Variants in FCRL3 observed in about 807,000 individuals in gnomAD.
FCRL3 encodes Fc receptor like 3.
FCRL3 carries 89 observed loss-of-function variants against 75.0 expected under a neutral mutation model. The ratio of observed to expected loss-of-function variants is 1.19; its 90% CI spans 1.00 to 1.42. The LOEUF (loss-of-function observed/expected upper bound fraction) is 1.42. FCRL3 is among the 40% of genes most tolerant of loss of function. FCRL3 has a pLI of 0.00. For synonymous variants in FCRL3, 376 were observed against 348.5 expected, an observed-to-expected ratio of 1.08 and a Z score of -0.88; for missense variants, 946 against 880.0, an observed-to-expected ratio of 1.07 and a Z score of -0.95.
rs1654582419 is a variant in FCRL3, at chr1:157,678,177, A to G, written c.*533T>C. On this transcript the variant is annotated 3_prime_UTR_variant, in exon 15 of 15. Transcript: ENST00000368184. ...GTTGGGAATGTCACCCTGTAAGTAC[A>G]AAAATACACTTCAGATAGAGTCACC... is the stretch of plus-strand genomic sequence containing the variant. 5.1e-6 allele frequency: 5 copies of G among 986,428 alleles called. No individual in the cohort carries two copies. The highest frequency in any genetic ancestry group is 1.7e-5 in the African/African-American group (1 of 57,246). The allele number at this position is 986,428 out of a possible 1,614,324, so 61.1% of individuals were successfully genotyped here. A position where few individuals can be genotyped will look rare whatever the true frequency, so the allele number is the denominator to read the frequency against.
At chr1:157,685,543 A>G (rs1557824395) in intron 10 of FCRL3, among the ~76,000 whole-genome samples, 2 of 152,104 alleles carry the variant, frequency 1.3e-5, no homozygotes, top group Admixed American at 6.6e-5. Flanking sequence ...AAAACTGACA[A>G]AGAAACTCTG....
chr1:157,680,438 G>T (rs1005714526), intron 13 of FCRL3, among the ~76,000 whole-genome samples: 10 of 152,178 alleles, frequency 6.6e-5, no homozygotes, highest in African/African-American at 2.4e-4. Context: ...ATTTTAGGGG[G>T]CCTACAGTTT....
At chr1:157,690,676 C>T (rs1031478456) in intron 8 of FCRL3, 143 bp from the exon 9 acceptor site, 2 of 999,954 alleles carry the variant, frequency 2.0e-6, no homozygotes, top group Non-Finnish European at 2.9e-6. Flanking sequence ...TGTCTCTATC[C>T]TTTATTAGCT....
In FCRL3 at chr1:157,678,410, G is replaced by A; in HGVS notation, c.*300C>T. The A allele has an allele frequency of 8.2e-7, 1 of 1,225,168 alleles. No individual in the cohort carries two copies. Among genetic ancestry groups the A allele is most frequent in the Non-Finnish European group, 1.0e-6 (1 of 974,560 alleles). The allele number at this position is 1,225,168 out of a possible 1,614,324, so 75.9% of individuals were successfully genotyped here. A position where few individuals can be genotyped will look rare whatever the true frequency, so the allele number is the denominator to read the frequency against. Reference sequence around the variant, plus strand: ...TCATGATTGTGCCCTTGTAACCCTGGCTAGACCATTTCTCTCTCCTCCTCT... The same window carrying A: ...TCATGATTGTGCCCTTGTAACCCTGACTAGACCATTTCTCTCTCCTCCTCT... On this transcript the variant is annotated 3_prime_UTR_variant, in exon 15 of 15. Coordinates refer to ENST00000368184, the MANE Select transcript of FCRL3 (RefSeq NM_052939.4).
At position 157,697,709 on chromosome 1, in the gene FCRL3, T is replaced by C. The variant is rs1656034981; in HGVS notation, c.509A>G (p.Tyr170Cys). 3 of 1,613,896 alleles carry C rather than the reference T, an allele frequency of 1.9e-6. No individual in the cohort carries two copies. Among genetic ancestry groups the C allele is most frequent in the Non-Finnish European group, 2.5e-6 (3 of 1,179,820 alleles). Residue 170 changes from tyrosine (Y) to cysteine (C), a missense_variant, in exon 5 of 15, where the codon TAC (tyrosine) becomes TGC (cysteine). Transcript: ENST00000368184. ...TGAAGTTACTTCAATGTCAAGTATG[T>C]AAAACTTCCTATAAGCAGTACAATG... ...KYHCTAYRKF[Y>C]ILDIEVTSKP...
In FCRL3 at chr1:157,677,802, C is replaced by T; in HGVS notation, c.*908G>A. The T allele has an allele frequency of 2.1e-6, 1 of 472,016 alleles. No individual in the cohort carries two copies. Among genetic ancestry groups the T allele is most frequent in the South Asian group, 9.0e-5 (1 of 11,094 alleles). The allele number at this position is 472,016 out of a possible 1,614,324, so 29.2% of individuals were successfully genotyped here. On this transcript the variant is annotated 3_prime_UTR_variant, in exon 15 of 15. Transcript: ENST00000368184. ...AATATAAAAACATATTTAAGGAAAA[C>T]ATGTAGATACATTAATATGATAGAA...
chr1:157,683,362 C>G (rs1307167748), intron 10 of FCRL3, 118 bp from the exon 11 acceptor site: 1 of 1,274,438 alleles, frequency 7.8e-7, no homozygotes, highest in African/African-American at 1.5e-5. Flanking sequence ...CGGAAAAACT[C>G]AAGGATTATC....
rs898839460 is a variant in FCRL3, at chr1:157,677,300, G to C, written c.*1410C>G. The C allele has an allele frequency of 1.0e-6, 1 of 988,180 alleles. No individual in the cohort carries two copies. The highest frequency in any genetic ancestry group is 1.7e-5 in the African/African-American group (1 of 57,260). The allele number at this position is 988,180 out of a possible 1,614,324, so 61.2% of individuals were successfully genotyped here. On this transcript the variant is annotated 3_prime_UTR_variant, in exon 15 of 15. Transcript: ENST00000368184. Reference sequence around the variant, plus strand: ...CCTGTAGTGTATCTCCAGAAATGGTGATTGTTTGAATGCATGTAAGACATT... The same window carrying C: ...CCTGTAGTGTATCTCCAGAAATGGTCATTGTTTGAATGCATGTAAGACATT...
chr1:157,690,478 C>T lies in FCRL3; in HGVS notation c.1467G>A (p.Val489=). ...TLRAPGAQAV[V]GDLLELHCES... is the part of the protein sequence containing the mutation. Reference sequence around the variant, plus strand: ...CACAGTGAAGCTCCAGCAGGTCCCCCACCACAGCCTGGGCCCCGGGAGCCC... The same window carrying T: ...CACAGTGAAGCTCCAGCAGGTCCCCTACCACAGCCTGGGCCCCGGGAGCCC... The change falls in exon 9 of 15, where the codon GTG becomes GTA. Residue 489 remains valine (V), a synonymous_variant. Transcript: ENST00000368184. 1 of 1,614,240 alleles carries T rather than the reference C, an allele frequency of 6.2e-7. No individual in the cohort carries two copies. The highest frequency in any genetic ancestry group is 8.5e-7 in the Non-Finnish European group (1 of 1,180,040).
chr1:157,681,415 CCA>C (rs1654841395), intron 11 of FCRL3, among the ~76,000 whole-genome samples: 1 of 121,434 alleles, frequency 8.2e-6, no homozygotes. Flanking sequence ...AAAACAGTCC[CCA>C]GAGTGTGATG....
chr1:157,700,618 G>C, intron 1 of FCRL3, 33 bp from the exon 2 acceptor site: 1 of 1,546,578 alleles, frequency 6.5e-7, no homozygotes, highest in Non-Finnish European at 8.7e-7. Context: ...GAAGAGCTTA[G>C]TGTCATATTT....
chr1:157,688,392 TAACAC>T (rs1255608665), intron 10 of FCRL3, among the ~76,000 whole-genome samples: 1 of 152,110 alleles, frequency 6.6e-6, no homozygotes, highest in Non-Finnish European at 1.5e-5. Context: ...TGAAAATTCT[TAACAC>T]TTATCCACCT....
At position 157,697,919 on chromosome 1, in the gene FCRL3, T is replaced by C. The variant is rs1286071775; in HGVS notation, c.299A>G (p.Asp100Gly). 1 of 1,613,496 alleles carries C rather than the reference T, an allele frequency of 6.2e-7. No individual in the cohort carries two copies. ...ATGTAAAGCCTGCAGGATCAGCCAG[T>C]CTGCAAAGAGCACAGGAGCACACTC... ...SDAVHVEFSP[D>G]WLILQALHPV... The change falls in exon 5 of 15, where the codon GAC (aspartate) becomes GGC (glycine). Residue 100 changes from aspartate to glycine, a missense_variant and splice_region_variant. By Grantham distance (94) the Asp-to-Gly change is moderately conservative (BLOSUM62 -1). Transcript: ENST00000368184.
intron 13 of FCRL3, 121 bp downstream of exon 13, chr1:157,680,581 T>C (rs1206599695): frequency 2.7e-6 from 2 of 747,736 alleles, no homozygotes; most frequent in Admixed American, 2.4e-5. Context: ...GCTGACACTA[T>C]GGGAGGCAAG....
At position 157,678,406 on chromosome 1, in the gene FCRL3, C is replaced by A. The variant is rs957537413; in HGVS notation, c.*304G>T. 1.2e-5 allele frequency: 15 copies of A among 1,207,196 alleles called. No individual in the cohort carries two copies. The East Asian group carries it at 4.7e-4, about 38-fold the overall frequency. 74.8% of individuals were successfully genotyped at this position (1,207,196 alleles called of 1,614,324 possible). ...ATGGTCATGATTGTGCCCTTGTAAC[C>A]CTGGCTAGACCATTTCTCTCTCCTC... On this transcript the variant is annotated 3_prime_UTR_variant, in exon 15 of 15. Transcript: ENST00000368184.
intron 8 of FCRL3, among the ~76,000 whole-genome samples, chr1:157,694,262 T>C (rs2101617436): frequency 6.6e-6 from 1 of 152,262 alleles, no homozygotes; most frequent in East Asian, 1.9e-4. Context: ...GGGAGGAAAA[T>C]AAGCACAAGA....
In FCRL3 at chr1:157,696,029, T is replaced by A; in HGVS notation, c.1132+11A>T. On this transcript the variant is annotated intron_variant, in intron 7 of 14. Coordinates refer to ENST00000368184, the MANE Select transcript of FCRL3 (RefSeq NM_052939.4). The stretch of plus-strand genomic sequence containing the variant: ...GCAACTCGAGGCTGTGTGAAAGGAA[T>A]CGGAACTTACTTCTCACGGTGACTC... 1.9e-6 allele frequency: 3 copies of A among 1,600,102 alleles called. No individual in the cohort carries two copies. The highest frequency in any genetic ancestry group is 2.6e-6 in the Non-Finnish European group (3 of 1,173,664).
chr1:157,677,471 G>A lies in FCRL3; in HGVS notation c.*1239C>T, dbSNP rs1654531468. On this transcript the variant is annotated 3_prime_UTR_variant, in exon 15 of 15. Transcript: ENST00000368184. ...ATAATCTCAGTTGTCCCTAGGACTTGAGGTGTTCAGAGATATTTGGAAACA... is the reference window on the plus strand; with the variant it reads ...ATAATCTCAGTTGTCCCTAGGACTTAAGGTGTTCAGAGATATTTGGAAACA... 4.1e-6 allele frequency: 4 copies of A among 985,314 alleles called. No individual in the cohort carries two copies. The African/African-American group carries it at 7.0e-5, about 17-fold the overall frequency. 61.0% of individuals were successfully genotyped at this position (985,314 alleles called of 1,614,324 possible). A position where few individuals can be genotyped will look rare whatever the true frequency, so the allele number is the denominator to read the frequency against.
At chr1:157,691,293 G>A (rs533074392) in intron 8 of FCRL3, among the ~76,000 whole-genome samples, 24 of 152,252 alleles carry the variant, frequency 1.6e-4, no homozygotes, top group South Asian at 1.5e-3. Flanking sequence ...CCTTAATATC[G>A]AATGTTAACT....
Sources: gnomAD v4.1 joint callset for allele counts (sites outside exome capture counted in the v4.1 genomes callset) on GRCh38, gnomAD v4.1.1 for gene constraint, MANE v1.5 for transcripts, NCBI Gene and HGNC (gene_info 2026-07-23, HGNC 2026-07-21) for gene names.